Variants in RYR3 observed in about 807,000 individuals in gnomAD.
RYR3 encodes the protein ryanodine receptor 3.
A neutral mutation model predicts 584.3 loss-of-function variants in RYR3; 207 were observed. The observed-to-expected ratio is 0.35, with a 90% CI of 0.32 to 0.40. The LOEUF (loss-of-function observed/expected upper bound fraction) is 0.40. Ranked by LOEUF, RYR3 falls within the 10% of genes least tolerant of loss-of-function variation. The pLI, the probability that RYR3 is intolerant of heterozygous loss-of-function variation, is 1.00. For synonymous variants in RYR3, 2,416 were observed against 2,248.5 expected, an observed-to-expected ratio of 1.07 and a Z score of -2.11; for missense variants, 5,616 against 6,089.2, an observed-to-expected ratio of 0.92 and a Z score of 2.59.
At chr15:33,520,207 T>TA (rs1234111479) in intron 3 of RYR3, among the ~76,000 whole-genome samples, 3 of 152,214 alleles carry the variant, frequency 2.0e-5, no homozygotes, top group Admixed American at 6.5e-5. Context: ...GGTTTTATGA[T>TA]AAAAAACTTA....
chr15:33,711,424 T>G (rs960802762), intron 43 of RYR3, among the ~76,000 whole-genome samples: 2 of 151,992 alleles, frequency 1.3e-5, no homozygotes, highest in African/African-American at 2.4e-5. Flanking sequence ...TTTGTATTTT[T>G]AGTAGAGATG....
At chr15:33,624,945 G>A (rs2060909460) in intron 20 of RYR3, among the ~76,000 whole-genome samples, 2 of 152,142 alleles carry the variant, frequency 1.3e-5, no homozygotes. Context: ...ATTCATCCAT[G>A]TGTATGTGTT....
At chr15:33,606,976 C>T (rs1006839405) in intron 18 of RYR3, among the ~76,000 whole-genome samples, 2 of 152,192 alleles carry the variant, frequency 1.3e-5, no homozygotes, top group African/African-American at 4.8e-5. Context: ...GCAGTCAGAT[C>T]TGCACAAGGG....
chr15:33,772,271 C>T, intron 63 of RYR3, 113 bp downstream of exon 63: 1 of 612,388 alleles, frequency 1.6e-6, no homozygotes. Flanking sequence ...AGAATTATTC[C>T]ATGCCTTTTC....
chr15:33,812,842 T>G (rs1271403789), intron 72 of RYR3, 21 bp from the exon 73 acceptor site: 13 of 1,612,618 alleles, frequency 8.1e-6, no homozygotes, highest in South Asian at 2.2e-5. Flanking sequence ...CCTCATCTTA[T>G]GAGTATGCTT....
intron 74 of RYR3, among the ~76,000 whole-genome samples, chr15:33,816,412 C>T (rs2076814606): frequency 6.6e-6 from 1 of 152,230 alleles, no homozygotes; most frequent in African/African-American, 2.4e-5. Context: ...AAAGAAGCCA[C>T]ATTTTGGTAT....
Position 33,550,297 on chromosome 15 carries a change from T to C in RYR3, c.953T>C (p.Phe318Ser). The change falls in exon 10 of 104, where the codon TTC (phenylalanine) becomes TCC (serine). Residue 318 changes from phenylalanine (F) to serine (S), a missense_variant. Around this residue, in one of 9 missense-constraint regions of RYR3, gnomAD observed 1,284 missense variants for 1,344.6 expected, o/e 0.95. Transcript: ENST00000634891. ...AAGTCAGACACCAAGTCCACAGCTT[T>C]CTCTTTCCGGGCATCAAAGGTAAGG... is the stretch of plus-strand genomic sequence containing the variant. ...RAKSDTKSTA[F>S]SFRASKELKE... The C allele has an allele frequency of 1.2e-6, 2 of 1,613,282 alleles. No individual in the cohort carries two copies. Among genetic ancestry groups the C allele is most frequent in the Non-Finnish European group, 1.7e-6 (2 of 1,179,588 alleles).
chr15:33,432,257 G>T (rs16970923), intron 1 of RYR3, among the ~76,000 whole-genome samples: 1,845 of 152,124 alleles, frequency 0.012, 29 homozygotes, highest in African/African-American at 0.042. Context: ...ACTACAGGAG[G>T]GAAAAAACCA....
intron 19 of RYR3, 87 bp downstream of exon 19, chr15:33,613,462 C>T: frequency 1.5e-6 from 2 of 1,326,306 alleles, no homozygotes; most frequent in Non-Finnish European, 2.1e-6. Context: ...CAGTCTCCTT[C>T]AGGGCTTCAG....
At chr15:33,621,038 G>A (rs2060699955) in intron 19 of RYR3, among the ~76,000 whole-genome samples, 1 of 152,196 alleles carries the variant, frequency 6.6e-6, no homozygotes, top group Non-Finnish European at 1.5e-5. Flanking sequence ...ATAACCAAAT[G>A]ATCAGTCTCC....
chr15:33,840,045 A>G (rs77932515), intron 89 of RYR3, among the ~76,000 whole-genome samples: 4,904 of 152,294 alleles, frequency 0.032, 161 homozygotes, highest in Non-Finnish European at 0.039. Flanking sequence ...GAAGACAACA[A>G]ATAAGATAAT....
At chr15:33,769,229 A>C in intron 62 of RYR3, 57 bp downstream of exon 62, 3 of 1,221,724 alleles carry the variant, frequency 2.5e-6, no homozygotes, top group Non-Finnish European at 3.6e-6. Context: ...TGACCCTCTC[A>C]TCTCACTAAT....
intron 8 of RYR3, among the ~76,000 whole-genome samples, chr15:33,547,113 G>T (rs1271712758): frequency 6.6e-6 from 1 of 152,100 alleles, no homozygotes; most frequent in Admixed American, 6.6e-5. Context: ...CCGATCACAG[G>T]TTATACAGAA....
intron 102 of RYR3, among the ~76,000 whole-genome samples, chr15:33,861,708 TA>T (rs1317347995): frequency 6.6e-6 from 1 of 152,208 alleles, no homozygotes; most frequent in Non-Finnish European, 1.5e-5. Flanking sequence ...TGCATGTTGC[TA>T]AATTCTGTGT....
rs540114110 is a variant in RYR3 at position 33,401,705 on chromosome 15, C to T, written c.52-71714C>T. Among the ~76,000 whole-genome samples the T allele has an allele frequency of 7.9e-5, 12 of 152,296 alleles. No homozygotes were observed. In the East Asian group the frequency reaches 2.3e-3, roughly 29 times the overall value. ...ATTTAACAGTTTTGAAATAAGGATA[C>T]ATCTCAAAATGTGAGTGCTCAACCC... On this transcript the variant is annotated intron_variant, in intron 1 of 103. Transcript: ENST00000634891.
At chr15:33,682,326 GA>G (rs2064686037) in intron 38 of RYR3, among the ~76,000 whole-genome samples, 1 of 151,636 alleles carries the variant, frequency 6.6e-6, no homozygotes, top group African/African-American at 2.4e-5. Context: ...TAAAAGGTCT[GA>G]CTAGTCCAAA....
Position 33,848,334 on chromosome 15 carries a change from A to C in RYR3, c.13541A>C (p.Lys4514Thr). 2 of 1,613,872 alleles carry C rather than the reference A, an allele frequency of 1.2e-6. No individual in the cohort carries two copies. The highest frequency in any genetic ancestry group is 1.7e-6 in the Non-Finnish European group (2 of 1,179,898). The change falls in exon 94 of 104, where the codon AAG becomes ACG. Residue 4514 changes from lysine to threonine, a missense_variant. By Grantham distance (78) the Lys-to-Thr change is moderately conservative. Transcript: ENST00000634891. ...VFKREKEIARKLEFDGLYITE... is the reference protein window; with the variant it reads ...VFKREKEIARTLEFDGLYITE... ...AAAAGGGAAAAAGAAATCGCCAGGAAGCTGGAGTTTGATGGCCTATATATC... is the reference window on the plus strand; with the variant it reads ...AAAAGGGAAAAAGAAATCGCCAGGACGCTGGAGTTTGATGGCCTATATATC...
chr15:33,834,788 T>C (rs1264807071), intron 86 of RYR3, among the ~76,000 whole-genome samples, 180 bp from the exon 87 acceptor site: 1 of 152,232 alleles, frequency 6.6e-6, no homozygotes, highest in Non-Finnish European at 1.5e-5. Flanking sequence ...TTCCTAGATA[T>C]GGTATCCTAT....
chr15:33,841,814 C>G (rs763470313), intron 90 of RYR3, 50 bp from the exon 91 acceptor site: 3 of 1,531,620 alleles, frequency 2.0e-6, no homozygotes, highest in African/African-American at 2.8e-5. Context: ...CCTTTTTGGG[C>G]CAGACCGCCC....
Sources: gnomAD v4.1 joint callset for allele counts (sites outside exome capture counted in the v4.1 genomes callset) on GRCh38, gnomAD v4.1.1 for gene constraint, gnomAD v4.1.1 regional missense constraint, MANE v1.5 for transcripts, NCBI Gene and HGNC (gene_info 2026-07-23, HGNC 2026-07-21) for gene names.